ERBB4: variants seen among roughly 807,000 people sequenced by gnomAD.
ERBB4 encodes erb-b2 receptor tyrosine kinase 4, also known as receptor tyrosine-protein kinase erbB-4.
A neutral mutation model predicts 158.0 loss-of-function variants in ERBB4; 42 were observed. The ratio of observed to expected loss-of-function variants is 0.27; its 90% confidence interval spans 0.21 to 0.34. The LOEUF is 0.34. Ranked by LOEUF, ERBB4 falls within the 10% of genes least tolerant of loss-of-function variation. The probability of loss-of-function intolerance (pLI) is 1.00; values close to 1 mark genes in which losing one functional copy is unlikely to be tolerated. For missense variants in ERBB4, 1,333 were observed against 1,624.1 expected (o/e 0.82, Z 3.08); for synonymous variants, 583 against 558.7 (o/e 1.04, Z -0.61).
At chr2:211,435,962 TG>T (rs1475521051) in intron 20 of ERBB4, among the ~76,000 whole-genome samples, 1 of 92,276 alleles carries the variant, frequency 1.1e-5, no homozygotes, top group Non-Finnish European at 2.4e-5. Context: ...TTGTTTTCTT[TG>T]TTTTTTTTTT....
In ERBB4 at chr2:211,585,422, C is replaced by T. The variant is rs77473274; in HGVS notation, c.2302-23334G>A. On this transcript the variant is annotated intron_variant, in intron 19 of 27. Transcript: ENST00000342788. Reference sequence around the variant, plus strand: ...TCTATAAAAATGTGTTGTTTAAAGCCAAATCTACCTAACTTTTGTAAATTG... The same window carrying T: ...TCTATAAAAATGTGTTGTTTAAAGCTAAATCTACCTAACTTTTGTAAATTG... 9.0e-3 allele frequency among the ~76,000 whole-genome samples: 1,365 copies of T among 151,038 alleles called. 20 individuals carry two copies. The highest frequency in any genetic ancestry group is 0.031 in the African/African-American group (1,295 of 41,264).
At position 212,422,534 on chromosome 2, in the gene ERBB4, G is replaced by A. The variant is rs990713131; in HGVS notation, c.82+115915C>T. On this transcript the variant is annotated intron_variant, in intron 1 of 27. Transcript: ENST00000342788. The stretch of plus-strand genomic sequence containing the variant: ...ACACACACACACACACACACGAAGC[G>A]GGAAAAATTCTGGTGCTTCGCAAAG... 4.8e-5 allele frequency among the ~76,000 whole-genome samples: 7 copies of A among 145,896 alleles called. No homozygotes were observed. The South Asian group carries it at 8.9e-4, about 19-fold the overall frequency.
chr2:211,801,810 C>T (rs753669442), intron 3 of ERBB4, among the ~76,000 whole-genome samples: 3 of 152,062 alleles, frequency 2.0e-5, no homozygotes, highest in South Asian at 2.1e-4. Flanking sequence ...TCATGTTCTA[C>T]GCCTAATTTA....
intron 1 of ERBB4, among the ~76,000 whole-genome samples, chr2:212,176,410 C>G (rs1217260884): frequency 6.6e-6 from 1 of 151,954 alleles, no homozygotes; most frequent in African/African-American, 2.4e-5. Flanking sequence ...AGCTTACTCA[C>G]TCTCCACCCT....
chr2:211,462,575 A>C (rs2064564660), intron 20 of ERBB4, among the ~76,000 whole-genome samples: 1 of 152,142 alleles, frequency 6.6e-6, no homozygotes. Flanking sequence ...GGGTTTTTTA[A>C]GGAAATGATT....
Position 211,723,370 on chromosome 2 carries a change from CA to C in ERBB4, c.742-837del, listed in dbSNP as rs542507980. On this transcript the variant is annotated intron_variant, in intron 6 of 27. Transcript: ENST00000342788. ...AAAAATGTGGATGAGCTAATTCTTT[CA>C]ATTAAGAAATTAAGCCATTTTAGGA... is the stretch of plus-strand genomic sequence containing the variant. Among the ~76,000 whole-genome samples, 38 of 152,128 alleles carry C rather than the reference CA, an allele frequency of 2.5e-4. 1 individual carries two copies. In the South Asian group the frequency reaches 7.9e-3, roughly 32 times the overall value.
At chr2:211,738,642 G>C (rs950626846) in intron 5 of ERBB4, among the ~76,000 whole-genome samples, 49 of 151,220 alleles carry the variant, frequency 3.2e-4, no homozygotes, top group African/African-American at 1.2e-3. Context: ...AGAGTGCTGC[G>C]GTTACAGGCA....
At chr2:212,056,335 C>T (rs191232283) in intron 2 of ERBB4, among the ~76,000 whole-genome samples, 4 of 152,258 alleles carry the variant, frequency 2.6e-5, no homozygotes, top group African/African-American at 7.2e-5. Flanking sequence ...GAGAATGGAA[C>T]CAAGTTGGAA....
intron 1 of ERBB4, among the ~76,000 whole-genome samples, chr2:212,399,536 T>TTATACATATA (rs1560213898): frequency 5.3e-4 from 11 of 20,780 alleles, no homozygotes; most frequent in African/African-American, 1.8e-3. Flanking sequence ...GATATATATT[T>TTATACATATA]TATATATACA....
chr2:211,972,108 C>T (rs978560388), intron 2 of ERBB4, among the ~76,000 whole-genome samples: 13 of 152,252 alleles, frequency 8.5e-5, no homozygotes, highest in African/African-American at 2.9e-4. Flanking sequence ...CATTCCTATA[C>T]ACCAACAACA....
At chr2:212,478,305 G>A (rs1477405876) in intron 1 of ERBB4, among the ~76,000 whole-genome samples, 1 of 151,980 alleles carries the variant, frequency 6.6e-6, no homozygotes, top group Non-Finnish European at 1.5e-5. Flanking sequence ...TTTATAACGG[G>A]GAGAATTCAG....
intron 3 of ERBB4, among the ~76,000 whole-genome samples, chr2:211,885,160 A>G (rs2078764450): frequency 6.6e-6 from 1 of 152,136 alleles, no homozygotes; most frequent in South Asian, 2.1e-4. Context: ...CATCTCTTCA[A>G]TTTCAATATG....
chr2:212,368,301 T>C (rs1574782512), intron 1 of ERBB4, among the ~76,000 whole-genome samples: 1 of 152,146 alleles, frequency 6.6e-6, no homozygotes, highest in Non-Finnish European at 1.5e-5. Flanking sequence ...TTGGAGACTA[T>C]TATTCTAAGT....
chr2:212,476,589 T>G (rs1343665250), intron 1 of ERBB4, among the ~76,000 whole-genome samples: 2 of 152,148 alleles, frequency 1.3e-5, no homozygotes, highest in Non-Finnish European at 2.9e-5. Flanking sequence ...AGGTAGTGTC[T>G]TTGTTTAGAT....
intron 5 of ERBB4, among the ~76,000 whole-genome samples, chr2:211,738,789 C>T (rs1050104956): frequency 6.6e-6 from 1 of 151,738 alleles, no homozygotes; most frequent in African/African-American, 2.4e-5. Context: ...GCGTCAGCCT[C>T]CCAAATAGCT....
intron 9 of ERBB4, among the ~76,000 whole-genome samples, chr2:211,711,269 T>C (rs937594512): frequency 5.3e-5 from 8 of 152,196 alleles, no homozygotes; most frequent in African/African-American, 1.9e-4. Flanking sequence ...CTTTTAGAAA[T>C]GATCTGATAC....
intron 1 of ERBB4, among the ~76,000 whole-genome samples, chr2:212,197,257 C>T (rs2082454378): frequency 6.6e-6 from 1 of 152,134 alleles, no homozygotes; most frequent in Non-Finnish European, 1.5e-5. Context: ...TACAATAAAA[C>T]TTATGAAGAT....
rs141595905 is a variant in ERBB4 at position 212,005,370 on chromosome 2, C to A, written c.235-57754G>T. 2.6e-3 allele frequency among the ~76,000 whole-genome samples: 388 copies of A among 152,128 alleles called. 4 individuals carry two copies. Among genetic ancestry groups the A allele is most frequent in the African/African-American group, 8.9e-3 (370 of 41,488 alleles). On this transcript the variant is annotated intron_variant, in intron 2 of 27. Coordinates refer to ENST00000342788, the MANE Select transcript of ERBB4 (RefSeq NM_005235.3). Reference sequence around the variant, plus strand: ...ATCATTTTTAACTATATTCAGACACCTTTTGGGGACAGCTACAAAGTGCTA... The same window carrying A: ...ATCATTTTTAACTATATTCAGACACATTTTGGGGACAGCTACAAAGTGCTA...
At chr2:212,439,746 C>T (rs2092214568) in intron 1 of ERBB4, among the ~76,000 whole-genome samples, 1 of 152,030 alleles carries the variant, frequency 6.6e-6, no homozygotes, top group South Asian at 2.1e-4. Flanking sequence ...GAGGAGGTAA[C>T]ATTAGAATTT....
Sources: gnomAD v4.1 joint callset for allele counts (sites outside exome capture counted in the v4.1 genomes callset) on GRCh38, gnomAD v4.1.1 for gene constraint, MANE v1.5 for transcripts, NCBI Gene and HGNC (gene_info 2026-07-23, HGNC 2026-07-21) for gene names.